The following ACTR5 variants were observed in gnomAD, a reference collection of about 807,000 sequenced individuals.
ACTR5 encodes the protein actin related protein 5.
Under a neutral mutation model 61.2 loss-of-function variants are expected in ACTR5, and 43 were observed. The observed-to-expected ratio is 0.70, with a 90% CI of 0.55 to 0.91. The LOEUF (loss-of-function observed/expected upper bound fraction) is 0.91, where lower values mean the gene tolerates loss of function less well. Among genes scored for constraint, ACTR5 ranks in the 40% least tolerant of loss-of-function variants. ACTR5 has a pLI of 0.00. For synonymous variants in ACTR5, 333 were observed against 310.5 expected (o/e 1.07, Z -0.76); for missense variants, 798 against 782.2 (o/e 1.02, Z -0.24).
chr20:38,764,144 G>A (rs140520856), intron 5 of ACTR5, among the ~76,000 whole-genome samples: 97 of 152,264 alleles, frequency 6.4e-4, no homozygotes, highest in Non-Finnish European at 1.2e-3. Context: ...TTCTAGAGAA[G>A]TATATTTAAG....
At position 38,755,171 on chromosome 20, in the gene ACTR5, G is replaced by C. The variant is rs1341529768; in HGVS notation, c.990G>C (p.Val330=). ...AGCGTCTGGACCGACTGCTATATGT[G>C]CAGGTAATAGCAGACACAGGGACGG... ...DQERLDRLLY[V]QELLEDGQMD... Residue 330 remains valine, a synonymous_variant, in exon 4 of 9, where the codon GTG becomes GTC. Coordinates refer to ENST00000243903, the MANE Select transcript of ACTR5 (RefSeq NM_024855.4). 5.0e-6 allele frequency: 8 copies of C among 1,594,274 alleles called. No homozygotes were observed. Among genetic ancestry groups the C allele is most frequent in the Non-Finnish European group, 6.8e-6 (8 of 1,169,976 alleles).
Position 38,771,661 on chromosome 20 carries a change from T to C in ACTR5, c.1669T>C (p.Tyr557His), listed in dbSNP as rs1317548082. The C allele has an allele frequency of 6.2e-7, 1 of 1,613,148 alleles. No homozygotes were observed. Among genetic ancestry groups the C allele is most frequent in the African/African-American group, 1.3e-5 (1 of 74,570 alleles). ...DNEVWITRKE[Y>H]EEKGGEYLKE... is the part of the protein sequence containing the mutation. ...TGAAGTTTGGATCACCAGGAAAGAG[T>C]ATGAAGAAAAGGGAGGAGAGTACCT... The change falls in exon 9 of 9, where the codon TAT becomes CAT. Residue 557 changes from tyrosine to histidine, a missense_variant. Tyr to His is a moderately conservative substitution (Grantham distance 83). Coordinates refer to ENST00000243903, the MANE Select transcript of ACTR5 (RefSeq NM_024855.4).
In ACTR5 at chr20:38,755,092, G is replaced by A. The variant is rs746336224; in HGVS notation, c.911G>A (p.Arg304Gln). The change falls in exon 4 of 9, where the codon CGG becomes CAG. Residue 304 changes from arginine (R) to glutamine (Q), a missense_variant. Coordinates refer to ENST00000243903, the MANE Select transcript of ACTR5 (RefSeq NM_024855.4). ...KQERRQQQLR[R>Q]LQELNARRRE... ...GAAAGGCGGCAGCAGCAATTGCGGC[G>A]GCTGCAGGAGCTCAATGCCCGGCGG... 12 of 1,614,098 alleles carry A rather than the reference G, an allele frequency of 7.4e-6. No homozygotes were observed. The highest frequency in any genetic ancestry group is 2.2e-5 in the East Asian group (1 of 44,896).
rs2245231 is a variant in ACTR5 at position 38,767,477 on chromosome 20, A to G, written c.1447A>G (p.Ile483Val). The change falls in exon 8 of 9, where the codon ATT becomes GTT. Residue 483 changes from isoleucine to valine, a missense_variant. Transcript: ENST00000243903. ...QYILDRYPKD[I>V]QEMLVQNVFL... ...TTTCTTTCCTAGGTACCCAAAGGAC[A>G]TTCAGGAAATGCTGGTTCAGAACGT... 0.42 allele frequency: 685,180 copies of G among 1,612,692 alleles called. 146,301 individuals are homozygous for G. The highest frequency in any genetic ancestry group is 0.47 in the Middle Eastern group (2,827 of 6,062).
At chr20:38,753,873 C>CTTTTTTTTTTTTTTTTT in intron 3 of ACTR5, among the ~76,000 whole-genome samples, 1 of 116,772 alleles carries the variant, frequency 8.6e-6, no homozygotes, top group Non-Finnish European at 1.8e-5. Flanking sequence ...GTTATTCGAG[C>CTTTTTTTTTTTTTTTTT]TTTTTTTTTT....
At chr20:38,767,728 T>A (rs1238726210) in intron 8 of ACTR5, 132 bp downstream of exon 8, 5 of 1,024,608 alleles carry the variant, frequency 4.9e-6, no homozygotes, top group Non-Finnish European at 6.9e-6. Flanking sequence ...AAGTCCATGC[T>A]TAATTTTTAA....
chr20:38,754,039 TAC>T (rs2084403044), intron 3 of ACTR5, among the ~76,000 whole-genome samples: 1 of 152,206 alleles, frequency 6.6e-6, no homozygotes, highest in Admixed American at 6.5e-5. Flanking sequence ...GTTAGCAATG[TAC>T]AGACTCCTTT....
chr20:38,766,136 G>A (rs2084485016), intron 6 of ACTR5, 102 bp from the exon 7 acceptor site: 1 of 1,349,256 alleles, frequency 7.4e-7, no homozygotes, highest in South Asian at 1.4e-5. Context: ...ATTAACAAGG[G>A]ACAGAAACTA....
At chr20:38,764,079 G>A (rs1174521117) in intron 5 of ACTR5, among the ~76,000 whole-genome samples, 3 of 152,158 alleles carry the variant, frequency 2.0e-5, no homozygotes, top group African/African-American at 4.8e-5. Context: ...GTGGGGTATT[G>A]AGGGGTATTG....
chr20:38,768,473 C>T (rs533437829), intron 8 of ACTR5, among the ~76,000 whole-genome samples: 3 of 152,256 alleles, frequency 2.0e-5, no homozygotes, highest in South Asian at 2.1e-4. Flanking sequence ...TGTAAGCATC[C>T]GAGGCCTCTC....
chr20:38,753,203 CTCTT>C (rs908036211), intron 3 of ACTR5, among the ~76,000 whole-genome samples: 1 of 152,072 alleles, frequency 6.6e-6, no homozygotes, highest in African/African-American at 2.4e-5. Context: ...CTGGTATTGA[CTCTT>C]TTTTTTTAGT....
At position 38,748,720 on chromosome 20, in the gene ACTR5, G is replaced by T. The variant is rs1402100948; in HGVS notation, c.242G>T (p.Gly81Val). 2 of 1,552,814 alleles carry T rather than the reference G, an allele frequency of 1.3e-6. No individual in the cohort carries two copies. The highest frequency in any genetic ancestry group is 2.3e-5 in the South Asian group (2 of 85,328). The part of the protein sequence containing the change: ...GARGASGPQV[G>V]NALGSLEPLR... Reference sequence around the variant, plus strand: ...CGGGGCGCGTCGGGCCCGCAGGTGGGGAACGCTCTGGGCAGCCTGGAGCCA... The same window carrying T: ...CGGGGCGCGTCGGGCCCGCAGGTGGTGAACGCTCTGGGCAGCCTGGAGCCA... Residue 81 changes from glycine (G) to valine (V), a missense_variant, in exon 1 of 9, where the codon GGG (glycine) becomes GTG (valine). Physicochemically the swap from Gly to Val is moderately radical, Grantham distance 109. Transcript: ENST00000243903.
chr20:38,769,281 T>A (rs1432916005), intron 8 of ACTR5, among the ~76,000 whole-genome samples: 2 of 152,162 alleles, frequency 1.3e-5, no homozygotes, highest in Non-Finnish European at 2.9e-5. Context: ...CCTTACAAGA[T>A]CCACCTCTTG....
rs1363316618 is a variant in ACTR5, at chr20:38,752,236, C to T, written c.711C>T (p.Ile237=). 1 of 1,614,020 alleles carries T rather than the reference C, an allele frequency of 6.2e-7. No individual in the cohort carries two copies. Among genetic ancestry groups the T allele is most frequent in the Non-Finnish European group, 8.5e-7 (1 of 1,179,964 alleles). The change falls in exon 3 of 9, where the codon ATC becomes ATT. Residue 237 remains isoleucine, a synonymous_variant. Coordinates refer to ENST00000243903, the MANE Select transcript of ACTR5 (RefSeq NM_024855.4). ...QLKYPGHLAA[I]TLSRMEEILH... ...AGTACCCTGGGCACCTGGCAGCCATCACCCTCAGCCGCATGGAGGAGATTC... is the reference window on the plus strand; with the variant it reads ...AGTACCCTGGGCACCTGGCAGCCATTACCCTCAGCCGCATGGAGGAGATTC...
At chr20:38,763,528 C>T (rs1052648854) in intron 5 of ACTR5, among the ~76,000 whole-genome samples, 7 of 152,218 alleles carry the variant, frequency 4.6e-5, no homozygotes, top group African/African-American at 7.2e-5. Flanking sequence ...AGATTGTTTT[C>T]ATGTTCCTAA....
intron 5 of ACTR5, among the ~76,000 whole-genome samples, chr20:38,763,389 G>A (rs2084466221): frequency 6.6e-6 from 1 of 152,204 alleles, no homozygotes; most frequent in Admixed American, 6.5e-5. Context: ...ATGGCAAGGG[G>A]AATGTTCCTT....
At position 38,771,634 on chromosome 20, in the gene ACTR5, A is replaced by G. The variant is rs376195704; in HGVS notation, c.1642A>G (p.Asn548Asp). Residue 548 changes from asparagine (N) to aspartate (D), a missense_variant, in exon 9 of 9, where the codon AAT becomes GAT. Coordinates refer to ENST00000243903, the MANE Select transcript of ACTR5 (RefSeq NM_024855.4). ...CTGGGCCTTGAACCACCTAGATGAT[A>G]ATGAAGTTTGGATCACCAGGAAAGA... Reference protein sequence around the residue: ...RDWALNHLDDNEVWITRKEYE... With the variant: ...RDWALNHLDDDEVWITRKEYE... 154 of 1,614,096 alleles carry G rather than the reference A, an allele frequency of 9.5e-5. No individual in the cohort carries two copies. The Middle Eastern group carries it at 2.1e-3, about 22-fold the overall frequency.
Position 38,766,263 on chromosome 20 carries a change from A to G in ACTR5, c.1319A>G (p.His440Arg). The G allele has an allele frequency of 1.2e-6, 2 of 1,613,378 alleles. No individual in the cohort carries two copies. The highest frequency in any genetic ancestry group is 1.7e-6 in the Non-Finnish European group (2 of 1,179,842). ...VQPVFNLAAYHQLFVGTERIR... is the reference protein window; with the variant it reads ...VQPVFNLAAYRQLFVGTERIR... ...CCCGTGTTTAACTTGGCAGCATATC[A>G]TCAGCTATTTGTTGGGACAGAAAGA... The change falls in exon 7 of 9, where the codon CAT (histidine) becomes CGT (arginine). Residue 440 changes from histidine to arginine, a missense_variant. Physicochemically the swap from His to Arg is conservative, Grantham distance 29. Transcript: ENST00000243903.
chr20:38,760,368 G>A (rs965124424), intron 5 of ACTR5, among the ~76,000 whole-genome samples: 1 of 152,060 alleles, frequency 6.6e-6, no homozygotes, highest in Non-Finnish European at 1.5e-5. Flanking sequence ...AGCCTTCCAG[G>A]GATGTTGAGC....
Sources: gnomAD v4.1 joint callset for allele counts (sites outside exome capture counted in the v4.1 genomes callset) on GRCh38, gnomAD v4.1.1 for gene constraint, MANE v1.5 for transcripts, NCBI Gene and HGNC (gene_info 2026-07-23, HGNC 2026-07-21) for gene names.